DOK5: variants seen among roughly 807,000 people sequenced by gnomAD.
DOK5 encodes docking protein 5.
DOK5 carries 27 observed loss-of-function variants against 43.3 expected under a neutral mutation model. That is an observed-to-expected ratio of 0.62 (90% CI 0.46 to 0.86). The LOEUF (loss-of-function observed/expected upper bound fraction) is 0.86. Among genes scored for constraint, DOK5 ranks in the 40% least tolerant of loss-of-function variants. The pLI, the probability that DOK5 is intolerant of heterozygous loss-of-function variation, is 0.00. For synonymous variants in DOK5, 146 were observed against 140.1 expected (o/e 1.04, Z -0.30); for missense variants, 373 against 392.9 (o/e 0.95, Z 0.43).
chr20:54,487,127 C>T (rs573187525), intron 1 of DOK5, among the ~76,000 whole-genome samples: 12 of 152,224 alleles, frequency 7.9e-5, no homozygotes, highest in Non-Finnish European at 1.5e-4. Context: ...GTATTTTTGC[C>T]TATTAACTCT....
chr20:54,495,715 A>AC (rs1419517420), intron 1 of DOK5, among the ~76,000 whole-genome samples: 1 of 152,106 alleles, frequency 6.6e-6, no homozygotes, highest in Non-Finnish European at 1.5e-5. Flanking sequence ...ACGTAGTGAA[A>AC]CCCCATCTCT....
At chr20:54,627,297 A>G (rs575242503) in intron 6 of DOK5, among the ~76,000 whole-genome samples, 1 of 152,338 alleles carries the variant, frequency 6.6e-6, no homozygotes, top group East Asian at 1.9e-4. Context: ...TAGTTAATGG[A>G]GTTTTCTAAA....
At position 54,643,520 on chromosome 20, in the gene DOK5, C is replaced by A; in HGVS notation, c.798C>A (p.Ser266Arg). The change falls in exon 7 of 8, where the codon AGC becomes AGA. Residue 266 changes from serine to arginine, a missense_variant. Physicochemically the swap from Ser to Arg is moderately radical, Grantham distance 110 (BLOSUM62 -1). Transcript: ENST00000262593. Reference protein sequence around the residue: ...SLSTMVPLPRSAYWQHITRQH... With the variant: ...SLSTMVPLPRRAYWQHITRQH... ...GCACCATGGTGCCCCTGCCTCGCAG[C>A]GCCTACTGGCAGCACATCACACGGC... 6.2e-7 allele frequency: 1 copy of A among 1,613,576 alleles called. No homozygotes were observed.
chr20:54,544,858 T>C (rs1307068333), intron 1 of DOK5, among the ~76,000 whole-genome samples: 2 of 152,142 alleles, frequency 1.3e-5, no homozygotes, highest in East Asian at 1.9e-4. Flanking sequence ...AGGCCAATCT[T>C]AGGTTCTACA....
At chr20:54,623,088 G>A (rs149314033) in intron 6 of DOK5, among the ~76,000 whole-genome samples, 1 of 152,080 alleles carries the variant, frequency 6.6e-6, no homozygotes, top group Non-Finnish European at 1.5e-5. Context: ...AAGCAAATTG[G>A]AACGCGTAGT....
chr20:54,620,701 C>G (rs1198438151), intron 6 of DOK5, among the ~76,000 whole-genome samples: 1 of 152,120 alleles, frequency 6.6e-6, no homozygotes, highest in Non-Finnish European at 1.5e-5. Flanking sequence ...AGTAGTGCTT[C>G]TAGGAATTTA....
intron 1 of DOK5, among the ~76,000 whole-genome samples, chr20:54,489,277 T>G (rs1982068094): frequency 6.6e-6 from 1 of 152,162 alleles, no homozygotes; most frequent in Non-Finnish European, 1.5e-5. Flanking sequence ...GGATACAAAG[T>G]TTATACACCA....
At chr20:54,509,264 C>A (rs1395646174) in intron 1 of DOK5, among the ~76,000 whole-genome samples, 2 of 152,216 alleles carry the variant, frequency 1.3e-5, no homozygotes, top group Admixed American at 6.5e-5. Context: ...AGTCATGGCT[C>A]ACTGTAGCCT....
At chr20:54,604,287 A>C (rs1271711336) in intron 5 of DOK5, among the ~76,000 whole-genome samples, 1 of 151,498 alleles carries the variant, frequency 6.6e-6, no homozygotes, top group East Asian at 1.9e-4. Flanking sequence ...CACAGACAAA[A>C]GTAAACATTC....
intron 1 of DOK5, among the ~76,000 whole-genome samples, chr20:54,527,557 T>C (rs765151109): frequency 1.4e-4 from 21 of 152,172 alleles, no homozygotes; most frequent in Non-Finnish European, 2.8e-4. Flanking sequence ...CCAGAGAGCT[T>C]TTTGTTATTT....
chr20:54,591,660 C>T lies in DOK5; in HGVS notation c.454C>T (p.His152Tyr). ...YLMPSPNLDV[H>Y]GECALQITYE... ...GATGCCATCTCCTAACTTAGATGTACATGGCGAATGTGCCTTGCAGATTAC... is the reference window on the plus strand; with the variant it reads ...GATGCCATCTCCTAACTTAGATGTATATGGCGAATGTGCCTTGCAGATTAC... The change falls in exon 5 of 8, where the codon CAT becomes TAT. Residue 152 changes from histidine to tyrosine, a missense_variant. His to Tyr is a moderately conservative substitution (Grantham distance 83, BLOSUM62 2). Transcript: ENST00000262593. The T allele has an allele frequency of 6.2e-7, 1 of 1,613,258 alleles. No homozygotes were observed. The highest frequency in any genetic ancestry group is 1.1e-5 in the South Asian group (1 of 90,884).
chr20:54,600,408 A>C (rs1284554132), intron 5 of DOK5, among the ~76,000 whole-genome samples: 1 of 152,148 alleles, frequency 6.6e-6, no homozygotes, highest in Non-Finnish European at 1.5e-5. Context: ...AACTACCCTA[A>C]GATTTAGTAA....
intron 1 of DOK5, among the ~76,000 whole-genome samples, chr20:54,535,806 C>G (rs1012650390): frequency 1.3e-5 from 2 of 152,054 alleles, no homozygotes; most frequent in African/African-American, 4.8e-5. Context: ...AAAACAATGT[C>G]TCTCAGTATG....
chr20:54,649,250 C>T (rs919495259), intron 7 of DOK5, among the ~76,000 whole-genome samples: 6 of 151,954 alleles, frequency 3.9e-5, no homozygotes, highest in Admixed American at 1.3e-4. Context: ...GGCGAGACCC[C>T]CTCCCTACAA....
At chr20:54,645,151 A>G (rs1979346828) in intron 7 of DOK5, among the ~76,000 whole-genome samples, 1 of 151,886 alleles carries the variant, frequency 6.6e-6, no homozygotes, top group Admixed American at 6.5e-5. Flanking sequence ...AATAGAGTGC[A>G]CTGGACTACA....
rs368419414 is a variant in DOK5, at chr20:54,571,916, T to C, written c.175-16567T>C. 3.7e-4 allele frequency among the ~76,000 whole-genome samples: 56 copies of C among 152,302 alleles called. No individual in the cohort carries two copies. In the Middle Eastern group the frequency reaches 0.02, roughly 56 times the overall value. On this transcript the variant is annotated intron_variant, in intron 2 of 7. Coordinates refer to ENST00000262593, the MANE Select transcript of DOK5 (RefSeq NM_018431.5). ...ATACCAAACTCTGTTGTCTTATGAT[T>C]GCACACGTGTAGTTTCTTTTGCCTG...
intron 1 of DOK5, among the ~76,000 whole-genome samples, chr20:54,520,467 C>G (rs1375976449): frequency 6.6e-6 from 1 of 151,960 alleles, no homozygotes; most frequent in African/African-American, 2.4e-5. Flanking sequence ...AAGATCATAC[C>G]ACTCCTCTGC....
intron 4 of DOK5, among the ~76,000 whole-genome samples, chr20:54,589,658 C>T (rs6512974): frequency 0.03 from 4,594 of 152,136 alleles, 222 homozygotes; most frequent in African/African-American, 0.1. Context: ...ATGGAAAGGT[C>T]TGTGGGTCAT....
At chr20:54,510,714 G>C (rs758227213) in intron 1 of DOK5, among the ~76,000 whole-genome samples, 14 of 152,102 alleles carry the variant, frequency 9.2e-5, no homozygotes, top group Non-Finnish European at 4.4e-5. Flanking sequence ...ACATTGCCCT[G>C]GGTTGTGTTG....
Sources: allele counts gnomAD v4.1 joint callset (sites outside exome capture counted in the v4.1 genomes callset), GRCh38; gene constraint gnomAD v4.1.1; transcripts MANE v1.5; gene names NCBI Gene and HGNC (gene_info 2026-07-23, HGNC 2026-07-21).